Variants in PKLR observed in about 807,000 individuals in gnomAD.
PKLR encodes pyruvate kinase L/R.
Under a neutral mutation model 53.6 loss-of-function variants are expected in PKLR, and 38 were observed. That is an observed-to-expected ratio of 0.71 (90% CI 0.55 to 0.93). The LOEUF is 0.93. Ranked by LOEUF, PKLR falls within the 40% of genes least tolerant of loss-of-function variation. The probability of loss-of-function intolerance (pLI) is 0.00; values close to 1 mark genes in which losing one functional copy is unlikely to be tolerated. For missense variants in PKLR, 702 were observed against 787.3 expected (o/e 0.89, Z 1.30); for synonymous variants, 328 against 316.2 (o/e 1.04, Z -0.39).
chr1:155,296,710 TA>T (rs1006018739), intron 2 of PKLR, among the ~76,000 whole-genome samples: 8 of 151,306 alleles, frequency 5.3e-5, no homozygotes, highest in Non-Finnish European at 7.4e-5. Context: ...CTTTCATCAT[TA>T]AAAAAAAATT....
upstream of PKLR, among the ~76,000 whole-genome samples, chr1:155,304,432 C>T (rs1339220651): frequency 1.3e-4 from 8 of 61,214 alleles, no homozygotes; most frequent in Non-Finnish European, 1.7e-4. Flanking sequence ...AAAACTGCGT[C>T]TCAAAAAAAA....
intron 2 of PKLR, among the ~76,000 whole-genome samples, chr1:155,298,951 C>CT (rs1647761766): frequency 2.1e-5 from 3 of 145,442 alleles, no homozygotes; most frequent in Non-Finnish European, 1.5e-5. Flanking sequence ...CCAACTTTCA[C>CT]TCCTTTCTTT....
chr1:155,298,013 C>T (rs945868352), intron 2 of PKLR, among the ~76,000 whole-genome samples: 1 of 152,074 alleles, frequency 6.6e-6, no homozygotes, highest in African/African-American at 2.4e-5. Context: ...GATTTCTTTC[C>T]CCATAGCACT....
At chr1:155,300,739 C>T (rs1647946250) in intron 1 of PKLR, 1 of 936,558 alleles carries the variant, frequency 1.1e-6, no homozygotes, top group African/African-American at 1.6e-5. Flanking sequence ...TCTCTGTTTT[C>T]TCCCTTCCAA....
intron 1 of PKLR, among the ~76,000 whole-genome samples, chr1:155,300,688 C>A (rs1338686037): frequency 6.6e-6 from 1 of 152,090 alleles, no homozygotes; most frequent in African/African-American, 2.4e-5. Context: ...AGCAGCCTCA[C>A]CCTATGCAGA....
At chr1:155,299,085 C>T (rs1277654135) in intron 2 of PKLR, among the ~76,000 whole-genome samples, 3 of 148,070 alleles carry the variant, frequency 2.0e-5, no homozygotes, top group Non-Finnish European at 4.5e-5. Flanking sequence ...TCTTTTCTTT[C>T]TTTCTTTCTT....
intron 2 of PKLR, 93 bp downstream of exon 2, chr1:155,300,005 C>T (rs1647893492): frequency 3.1e-6 from 4 of 1,303,418 alleles, no homozygotes; most frequent in Non-Finnish European, 4.4e-6. Context: ...CTGTGTCAAA[C>T]ATGGAGAAGT....
At position 155,295,569 on chromosome 1, in the gene PKLR, C is replaced by T. The variant is rs2148208099; in HGVS notation, c.376-1G>A. On this transcript the variant is annotated splice_acceptor_variant, in intron 3 of 10. Transcript: ENST00000342741. LOFTEE classifies it high-confidence loss of function. The surrounding 1 kb of genome is among the most constrained non-coding windows in gnomAD (Gnocchi z 4.3). The stretch of plus-strand genomic sequence containing the variant: ...CGTTGGCGATGGACTCAGCATGGTA[C>T]TGGGGGAGGGAGCGGAGCGAGGGTT... The T allele has an allele frequency of 1.9e-6, 3 of 1,614,078 alleles. No individual in the cohort carries two copies. Among genetic ancestry groups the T allele is most frequent in the Non-Finnish European group, 2.5e-6 (3 of 1,179,996 alleles).
At chr1:155,306,738 T>C in the PKLR span, among the ~76,000 whole-genome samples, 1 of 152,196 alleles carries the variant, frequency 6.6e-6, no homozygotes, top group Non-Finnish European at 1.5e-5. The surrounding 1 kb of genome is among the most constrained non-coding windows in gnomAD (Gnocchi z 4.2). Context: ...GGGTTCTTGG[T>C]CTCACTGACT....
chr1:155,302,959 C>T (rs1648111991), upstream of PKLR, among the ~76,000 whole-genome samples: 1 of 152,138 alleles, frequency 6.6e-6, no homozygotes, highest in African/African-American at 2.4e-5. Context: ...CACCTATGCT[C>T]AAGTGGTCCT....
At chr1:155,305,442 G>C (rs1648207059), upstream of PKLR, among the ~76,000 whole-genome samples, 1 of 152,196 alleles carries the variant, frequency 6.6e-6, no homozygotes, top group Non-Finnish European at 1.5e-5. Context: ...GGAAAAGAAA[G>C]AGAGAGATAG....
chr1:155,304,434 CAAAAAAAAA>C (rs61510118), upstream of PKLR, among the ~76,000 whole-genome samples: 27 of 62,234 alleles, frequency 4.3e-4, no homozygotes, highest in African/African-American at 1.6e-3. Flanking sequence ...AACTGCGTCT[CAAAAAAAAA>C]AAAAAAAAAA....
At chr1:155,301,566 C>G (rs1434414830), upstream of PKLR, 2 of 710,252 alleles carry the variant, frequency 2.8e-6, no homozygotes, top group African/African-American at 3.6e-5. Context: ...CCCTCATCTC[C>G]TGGCATTTCC....
At chr1:155,301,190 C>T in intron 1 of PKLR, 106 bp downstream of exon 1, 1 of 1,439,770 alleles carries the variant, frequency 6.9e-7, no homozygotes, top group South Asian at 1.2e-5. Flanking sequence ...CTCCAAAACC[C>T]ACCTAGCCAG....
chr1:155,303,759 G>C (rs375885758), upstream of PKLR, among the ~76,000 whole-genome samples: 50 of 152,100 alleles, frequency 3.3e-4, 1 homozygote, highest in African/African-American at 1.1e-3. Context: ...CTGAGTAGCT[G>C]GGATTACAGG....
At chr1:155,296,542 A>C (rs995577605) in intron 2 of PKLR, among the ~76,000 whole-genome samples, 7 of 151,900 alleles carry the variant, frequency 4.6e-5, no homozygotes, top group Admixed American at 1.3e-4. Context: ...AAGGGGTTTC[A>C]CCATGCTGGC....
Position 155,299,989 on chromosome 1 carries a change from G to A in PKLR, c.283+109C>T, listed in dbSNP as rs8177964. ...TATGCTCAACAAATTTTTGTTAAAT[G>A]AATGACTGTGTCAAACATGGAGAAG... On this transcript the variant is annotated intron_variant, in intron 2 of 10. Transcript: ENST00000342741. 7.9e-3 allele frequency: 9,428 copies of A among 1,199,868 alleles called. 527 individuals carry two copies. The African/African-American group carries it at 0.12, about 16-fold the overall frequency. The allele number at this position is 1,199,868 out of a possible 1,614,324, so 74.3% of individuals were successfully genotyped here.
chr1:155,299,072 CTTTCTTT>C (rs1275802275), intron 2 of PKLR, among the ~76,000 whole-genome samples: 1 of 144,588 alleles, frequency 6.9e-6, no homozygotes, highest in Non-Finnish European at 1.5e-5. Context: ...TTCCTTCCTT[CTTTCTTT>C]TCTTTCTTTC....
At position 155,291,858 on chromosome 1, in the gene PKLR, C is replaced by A; in HGVS notation, c.1516G>T (p.Val506Phe). 1 of 1,614,062 alleles carries A rather than the reference C, an allele frequency of 6.2e-7. No individual in the cohort carries two copies. Residue 506 changes from valine (V) to phenylalanine (F), a missense_variant, in exon 10 of 11, where the codon GTC becomes TTC. Physicochemically the swap from Val to Phe is conservative, Grantham distance 50. Around this residue, in one of 2 missense-constraint regions of PKLR, gnomAD observed 183 missense variants for 250.2 expected, o/e 0.73. Transcript: ENST00000342741. The stretch of plus-strand genomic sequence containing the variant: ...GGGAAGACTCCTCGGCATAAGTGGA[C>A]CTGGCGGGCAGCCTGGGCAGAGCGG... The part of the protein sequence containing the change: ...VTRSAQAARQ[V>F]HLCRGVFPLL...
Sources: gnomAD v4.1 joint callset for allele counts (sites outside exome capture counted in the v4.1 genomes callset) on GRCh38, gnomAD v4.1.1 for gene constraint, gnomAD v4.1.1 regional missense constraint, Gnocchi (gnomAD v3.1) non-coding constraint, MANE v1.5 for transcripts, NCBI Gene and HGNC (gene_info 2026-07-23, HGNC 2026-07-21) for gene names.